MPP7: variants seen among roughly 807,000 people sequenced by gnomAD.
MPP7 encodes the protein MAGUK p55 subfamily member 7.
A neutral mutation model predicts 76.5 loss-of-function variants in MPP7; 60 were observed. The ratio of observed to expected loss-of-function variants is 0.78; its 90% CI spans 0.64 to 0.97. MPP7 has a LOEUF of 0.97. MPP7 is among the 50% of genes least tolerant of loss of function. The pLI, the probability that MPP7 is intolerant of heterozygous loss-of-function variation, is 0.00. For synonymous variants in MPP7, 237 were observed against 244.5 expected, an observed-to-expected ratio of 0.97 and a Z score of 0.29; for missense variants, 641 against 694.0, an observed-to-expected ratio of 0.92 and a Z score of 0.86.
chr10:28,330,439 A>G (rs905639068), intron 1 of MPP7, among the ~76,000 whole-genome samples: 1 of 152,112 alleles, frequency 6.6e-6, no homozygotes, highest in African/African-American at 2.4e-5. Flanking sequence ...ACTTAGCAAG[A>G]TCTCATCTTT....
chr10:28,331,998 C>T (rs1385410946), intron 1 of MPP7, among the ~76,000 whole-genome samples: 1 of 152,110 alleles, frequency 6.6e-6, no homozygotes, highest in Non-Finnish European at 1.5e-5. Flanking sequence ...TGTATTTCTG[C>T]CCTCTATAAG....
chr10:28,155,436 A>G (rs114186780), intron 3 of MPP7, among the ~76,000 whole-genome samples: 14,930 of 151,820 alleles, frequency 0.098, 1,211 homozygotes, highest in African/African-American at 0.22. Context: ...CAAAAAATAC[A>G]GAAATTGGCC....
chr10:28,327,695 A>G (rs1210319146), intron 2 of MPP7, among the ~76,000 whole-genome samples: 1 of 152,204 alleles, frequency 6.6e-6, no homozygotes, highest in Non-Finnish European at 1.5e-5. Flanking sequence ...GGACATGTTT[A>G]GAACATGAAT....
At chr10:28,308,747 C>T (rs1251008815) in intron 2 of MPP7, among the ~76,000 whole-genome samples, 1 of 151,740 alleles carries the variant, frequency 6.6e-6, no homozygotes, top group Non-Finnish European at 1.5e-5. Context: ...CATTGCACTC[C>T]AGCCTGGGCA....
intron 1 of MPP7, among the ~76,000 whole-genome samples, chr10:28,283,274 T>C (rs1260562833): frequency 1.3e-5 from 2 of 152,070 alleles, no homozygotes; most frequent in Non-Finnish European, 2.9e-5. Context: ...ATGGGTAACC[T>C]GGGTTTGAAT....
chr10:28,116,271 C>T (rs898954637), intron 11 of MPP7, among the ~76,000 whole-genome samples: 7 of 152,110 alleles, frequency 4.6e-5, no homozygotes, highest in Non-Finnish European at 1.0e-4. Flanking sequence ...AACAATACCA[C>T]AAATGAATTC....
chr10:28,198,794 T>C (rs1324311299), intron 3 of MPP7, among the ~76,000 whole-genome samples: 1 of 152,032 alleles, frequency 6.6e-6, no homozygotes, highest in Non-Finnish European at 1.5e-5. Context: ...ATACAAAATA[T>C]ATGGTCCTGG....
At chr10:28,191,679 T>G (rs1439339747) in intron 3 of MPP7, among the ~76,000 whole-genome samples, 1 of 152,230 alleles carries the variant, frequency 6.6e-6, no homozygotes, top group East Asian at 1.9e-4. Flanking sequence ...TCACAAGCCT[T>G]TTGGATAAGG....
At chr10:28,150,838 G>A (rs1371554649) in intron 3 of MPP7, among the ~76,000 whole-genome samples, 1 of 152,044 alleles carries the variant, frequency 6.6e-6, no homozygotes, top group African/African-American at 2.4e-5. Flanking sequence ...TCCCATGTAA[G>A]ACACACTGAG....
intron 2 of MPP7, among the ~76,000 whole-genome samples, chr10:28,319,203 CTT>C (rs1834344771): frequency 6.6e-6 from 1 of 152,102 alleles, no homozygotes; most frequent in Admixed American, 6.6e-5. Flanking sequence ...GTGCTACACA[CTT>C]TTAAACAATC....
chr10:28,107,017 C>T (rs1049136480), intron 11 of MPP7, among the ~76,000 whole-genome samples: 34 of 152,174 alleles, frequency 2.2e-4, no homozygotes, highest in East Asian at 9.7e-4. Flanking sequence ...GTTCTTTGGA[C>T]GAAATTTTAC....
At chr10:28,113,489 A>G (rs1834567834) in intron 11 of MPP7, among the ~76,000 whole-genome samples, 1 of 152,186 alleles carries the variant, frequency 6.6e-6, no homozygotes, top group Admixed American at 6.5e-5. Flanking sequence ...CTATCTTGGT[A>G]GGAATAAACC....
intron 2 of MPP7, among the ~76,000 whole-genome samples, chr10:28,217,583 A>C (rs553762994): frequency 1.1e-4 from 16 of 151,464 alleles, no homozygotes; most frequent in African/African-American, 3.9e-4. Context: ...TCAGGGAAGA[A>C]CTTTTAACAA....
At chr10:28,182,620 T>C (rs1837094313) in intron 3 of MPP7, among the ~76,000 whole-genome samples, 1 of 152,214 alleles carries the variant, frequency 6.6e-6, no homozygotes, top group Non-Finnish European at 1.5e-5. Context: ...GACATATGAC[T>C]CTTGTACTCA....
At chr10:28,168,154 G>A (rs1196578112) in intron 3 of MPP7, among the ~76,000 whole-genome samples, 2 of 152,036 alleles carry the variant, frequency 1.3e-5, no homozygotes, top group African/African-American at 4.8e-5. Flanking sequence ...CAAATCGCTT[G>A]AACTCAGTAG....
chr10:28,306,676 G>GAGAT (rs1211482020), upstream of MPP7, among the ~76,000 whole-genome samples: 1 of 151,736 alleles, frequency 6.6e-6, no homozygotes, highest in African/African-American at 2.4e-5. Context: ...GATAGAGAGA[G>GAGAT]AGAGAGAGAT....
At chr10:28,200,692 C>T (rs372050228) in intron 3 of MPP7, among the ~76,000 whole-genome samples, 21 of 152,288 alleles carry the variant, frequency 1.4e-4, no homozygotes, top group Middle Eastern at 3.4e-3. Context: ...ATTTGTCTAA[C>T]CCCATTATAT....
intron 2 of MPP7, among the ~76,000 whole-genome samples, chr10:28,209,352 C>A (rs10826421): frequency 0.27 from 41,591 of 151,656 alleles, 6,913 homozygotes; most frequent in African/African-American, 0.43. Flanking sequence ...CTCTATAGCA[C>A]CAGCTACTTG....
At chr10:28,064,074 C>T (rs1851898313) in intron 13 of MPP7, among the ~76,000 whole-genome samples, 1 of 152,146 alleles carries the variant, frequency 6.6e-6, no homozygotes, top group Non-Finnish European at 1.5e-5. Context: ...CATTCCACTC[C>T]TACATAGTTG....
Sources: gnomAD v4.1 joint callset for allele counts (sites outside exome capture counted in the v4.1 genomes callset) on GRCh38, gnomAD v4.1.1 for gene constraint, MANE v1.5 for transcripts, NCBI Gene and HGNC (gene_info 2026-07-23, HGNC 2026-07-21) for gene names.